CCDC167: variants seen among roughly 807,000 people sequenced by gnomAD.
The protein encoded by CCDC167 is coiled-coil domain-containing protein 167.
CCDC167 carries 15 observed loss-of-function variants against 12.7 expected under a neutral mutation model. The ratio of observed to expected loss-of-function variants is 1.18; its 90% confidence interval spans 0.79 to 1.81. CCDC167 has a LOEUF of 1.81. Among genes scored for constraint, CCDC167 ranks in the 40% most tolerant of loss-of-function variants. The pLI is 0.00. For missense variants in CCDC167, 121 were observed against 120.1 expected, an observed-to-expected ratio of 1.01 and a Z score of -0.03; for synonymous variants, 52 against 49.0, an observed-to-expected ratio of 1.06 and a Z score of -0.26.
chr6:37,491,418 T>C (rs1762020507), intron 1 of CCDC167, among the ~76,000 whole-genome samples: 2 of 152,192 alleles, frequency 1.3e-5, no homozygotes, highest in Admixed American at 1.3e-4. Flanking sequence ...GGTGCTGGGC[T>C]ACACAGGCCA....
At chr6:37,493,223 G>A (rs1467250811) in intron 1 of CCDC167, among the ~76,000 whole-genome samples, 4 of 152,208 alleles carry the variant, frequency 2.6e-5, no homozygotes, top group Non-Finnish European at 5.9e-5. Flanking sequence ...GACGGAGGCC[G>A]AGCCAGCCTT....
intron 1 of CCDC167, among the ~76,000 whole-genome samples, chr6:37,485,861 T>C (rs996016124): frequency 6.6e-6 from 1 of 152,250 alleles, no homozygotes; most frequent in Non-Finnish European, 1.5e-5. Context: ...ACCATCAAGG[T>C]AGCAAAATAG....
intron 1 of CCDC167, among the ~76,000 whole-genome samples, chr6:37,488,832 A>G (rs1761978245): frequency 6.6e-6 from 1 of 152,268 alleles, no homozygotes; most frequent in African/African-American, 2.4e-5. Context: ...TTACATGGTC[A>G]GAGTTCAGTA....
At chr6:37,491,121 C>T (rs1023122369) in intron 1 of CCDC167, among the ~76,000 whole-genome samples, 1 of 152,200 alleles carries the variant, frequency 6.6e-6, no homozygotes, top group East Asian at 1.9e-4. Flanking sequence ...CAGGGAATTT[C>T]GTGCCAGCTC....
chr6:37,484,994 C>T, intron 2 of CCDC167, 106 bp downstream of exon 2: 1 of 1,444,796 alleles, frequency 6.9e-7, no homozygotes. Flanking sequence ...GCTAAGATGT[C>T]AGGGACCCAA....
rs1238204182 is a variant in CCDC167 at position 37,499,892 on chromosome 6, C to T, written c.-29G>A. On this transcript the variant is annotated 5_prime_UTR_variant, in exon 1 of 4. In the 5' UTR this introduces an upstream ATG that the reference lacks. Transcript: ENST00000373408. ...ACTTGCCGGGATCCCCCAGTCATCA[C>T]TGGACGCGCCCACCAAGTCGCTATG... 3.7e-6 allele frequency: 6 copies of T among 1,613,808 alleles called. No individual in the cohort carries two copies. Among genetic ancestry groups the T allele is most frequent in the Non-Finnish European group, 4.2e-6 (5 of 1,179,792 alleles).
chr6:37,491,087 G>A (rs1025985309), intron 1 of CCDC167, among the ~76,000 whole-genome samples: 7 of 152,136 alleles, frequency 4.6e-5, no homozygotes, highest in African/African-American at 1.7e-4. Context: ...CAGAATCAGA[G>A]CCCCACGGAG....
At chr6:37,493,902 C>T (rs1170800340) in intron 1 of CCDC167, among the ~76,000 whole-genome samples, 2 of 152,198 alleles carry the variant, frequency 1.3e-5, no homozygotes, top group Non-Finnish European at 2.9e-5. Flanking sequence ...CGTCTTCAGC[C>T]ACACTTGGTG....
intron 2 of CCDC167, 26 bp downstream of exon 2, chr6:37,485,064 ATGGGGAAGGG>A (rs1228206876): frequency 8.2e-6 from 11 of 1,334,704 alleles, no homozygotes; most frequent in Non-Finnish European, 1.1e-5. Context: ...TGGGGGCCTG[ATGGGGAAGGG>A]TGGGGTGGCT....
intron 1 of CCDC167, among the ~76,000 whole-genome samples, chr6:37,486,142 G>A (rs1228979324): frequency 2.0e-5 from 3 of 152,100 alleles, no homozygotes; most frequent in Non-Finnish European, 2.9e-5. Flanking sequence ...ATAGTACCTC[G>A]GAGCCCCATA....
Position 37,499,352 on chromosome 6 carries a change from A to C in CCDC167, c.42+470T>G, listed in dbSNP as rs577259367. ...GTACAAGCTTCCATACTCCGGAGGA[A>C]AAATTTCCCCTTTTAGAGGATATTT... On this transcript the variant is annotated intron_variant, in intron 1 of 3. Transcript: ENST00000373408. Among the ~76,000 whole-genome samples, 3 of 152,338 alleles carry C rather than the reference A, an allele frequency of 2.0e-5. No individual in the cohort carries two copies. The South Asian group carries it at 6.2e-4, about 32-fold the overall frequency.
chr6:37,488,906 C>A (rs1016273860), intron 1 of CCDC167, among the ~76,000 whole-genome samples: 2 of 152,094 alleles, frequency 1.3e-5, no homozygotes, highest in African/African-American at 4.8e-5. Flanking sequence ...TAAAAGAAAA[C>A]CTGGTTAGTC....
chr6:37,493,632 T>A (rs2113908856), intron 1 of CCDC167, among the ~76,000 whole-genome samples: 1 of 152,356 alleles, frequency 6.6e-6, no homozygotes, highest in South Asian at 2.1e-4. Context: ...TGAACAGTCC[T>A]CTGCGTGCTG....
At chr6:37,496,262 G>A (rs1440584936) in intron 1 of CCDC167, among the ~76,000 whole-genome samples, 1 of 151,866 alleles carries the variant, frequency 6.6e-6, no homozygotes, top group Non-Finnish European at 1.5e-5. Context: ...GTGAAACCCC[G>A]TCTCTACTAA....
intron 1 of CCDC167, among the ~76,000 whole-genome samples, chr6:37,497,072 G>A (rs1762105470): frequency 6.6e-6 from 1 of 152,212 alleles, no homozygotes; most frequent in South Asian, 2.1e-4. Flanking sequence ...TCTAGACCAG[G>A]AGTTGGCAAC....
chr6:37,488,424 A>C (rs1014099962), intron 1 of CCDC167, among the ~76,000 whole-genome samples: 7 of 152,238 alleles, frequency 4.6e-5, no homozygotes, highest in Non-Finnish European at 8.8e-5. Flanking sequence ...CCCGAGGCAA[A>C]TGTGCAGTCG....
chr6:37,488,436 T>C (rs1488154935), intron 1 of CCDC167, among the ~76,000 whole-genome samples: 1 of 152,168 alleles, frequency 6.6e-6, no homozygotes, highest in East Asian at 1.9e-4. Flanking sequence ...GTGCAGTCGT[T>C]GGTTAGCTCT....
chr6:37,487,590 A>T (rs1357256699), intron 1 of CCDC167, among the ~76,000 whole-genome samples: 1 of 152,210 alleles, frequency 6.6e-6, no homozygotes, highest in Non-Finnish European at 1.5e-5. Context: ...TTTGCGTGTC[A>T]TTCTGGGGAG....
Position 37,490,231 on chromosome 6 carries a change from C to T in CCDC167, c.43-5037G>A, listed in dbSNP as rs1024099914. Among the ~76,000 whole-genome samples, 6 of 152,228 alleles carry T rather than the reference C, an allele frequency of 3.9e-5. No homozygotes were observed. The South Asian group carries it at 6.2e-4, about 16-fold the overall frequency. ...AAGCCCTGTGTGAGCGGTCCAGGGG[C>T]CCAAGGAACAGGTTGGAGAGTGTGA... On this transcript the variant is annotated intron_variant, in intron 1 of 3. Transcript: ENST00000373408.
Sources: allele counts gnomAD v4.1 joint callset (sites outside exome capture counted in the v4.1 genomes callset), GRCh38; gene constraint gnomAD v4.1.1; transcripts MANE v1.5; gene names NCBI Gene and HGNC (gene_info 2026-07-23, HGNC 2026-07-21).